Variants in CTNNA3 observed in about 807,000 individuals in gnomAD.
CTNNA3 encodes the protein catenin alpha 3.
In CTNNA3, 76 loss-of-function variants were observed where a neutral mutation model predicts 95.7. The ratio of observed to expected loss-of-function variants is 0.79; its 90% CI spans 0.66 to 0.96. The LOEUF (loss-of-function observed/expected upper bound fraction) is 0.96, where lower values mean the gene tolerates loss of function less well. Ranked by LOEUF, CTNNA3 falls within the 40% of genes least tolerant of loss-of-function variation. The pLI, the probability that CTNNA3 is intolerant of heterozygous loss-of-function variation, is 0.00. For synonymous variants in CTNNA3, 431 were observed against 374.4 expected, an observed-to-expected ratio of 1.15 and a Z score of -1.74; for missense variants, 1,191 against 1,089.8, an observed-to-expected ratio of 1.09 and a Z score of -1.31.
At chr10:67,042,223 G>T (rs1271820947) in intron 7 of CTNNA3, among the ~76,000 whole-genome samples, 9 of 152,220 alleles carry the variant, frequency 5.9e-5, no homozygotes, top group African/African-American at 2.2e-4. Flanking sequence ...TTTCAATAGT[G>T]CAGGGGATGA....
intron 3 of CTNNA3, among the ~76,000 whole-genome samples, chr10:67,580,218 G>A (rs1487080392): frequency 1.3e-5 from 2 of 152,082 alleles, no homozygotes; most frequent in African/African-American, 2.4e-5. Context: ...ATCCATTCTT[G>A]AATTAATTTT....
chr10:67,117,403 G>A (rs901824717), intron 7 of CTNNA3, among the ~76,000 whole-genome samples: 1 of 151,980 alleles, frequency 6.6e-6, no homozygotes, highest in African/African-American at 2.4e-5. Flanking sequence ...CCAGTTTGAT[G>A]GAGGTACCAG....
intron 7 of CTNNA3, among the ~76,000 whole-genome samples, chr10:66,951,114 C>T (rs1848516971): frequency 7.2e-6 from 1 of 139,786 alleles, no homozygotes; most frequent in Non-Finnish European, 1.6e-5. Context: ...CACACACACA[C>T]ACACTGTCTT....
intron 9 of CTNNA3, among the ~76,000 whole-genome samples, chr10:66,650,611 A>C (rs10762084): frequency 1.3e-5 from 2 of 151,914 alleles, no homozygotes; most frequent in African/African-American, 4.8e-5. Context: ...TCCGGAGTTC[A>C]TTCCTTCAGA....
chr10:66,115,265 T>C (rs1163312198), intron 13 of CTNNA3, among the ~76,000 whole-genome samples: 2 of 152,162 alleles, frequency 1.3e-5, no homozygotes, highest in African/African-American at 4.8e-5. Context: ...TGTATGTCTT[T>C]ATTATCAGAG....
chr10:66,007,052 T>A (rs538676062), intron 15 of CTNNA3, among the ~76,000 whole-genome samples: 3 of 152,106 alleles, frequency 2.0e-5, no homozygotes, highest in Non-Finnish European at 4.4e-5. Context: ...CTAGTACAGC[T>A]ATAGGTCATT....
intron 12 of CTNNA3, among the ~76,000 whole-genome samples, chr10:66,294,592 T>C (rs1226185773): frequency 6.6e-6 from 1 of 151,620 alleles, no homozygotes; most frequent in Non-Finnish European, 1.5e-5. Flanking sequence ...AAGAAAAGAG[T>C]TCATAAAGAT....
At chr10:67,176,488 C>T (rs1862249125) in intron 7 of CTNNA3, among the ~76,000 whole-genome samples, 1 of 152,160 alleles carries the variant, frequency 6.6e-6, no homozygotes, top group Non-Finnish European at 1.5e-5. Flanking sequence ...ATGAGGGATG[C>T]TGTCTATAAT....
chr10:67,424,141 G>C (rs1195970407), intron 5 of CTNNA3, among the ~76,000 whole-genome samples: 1 of 152,104 alleles, frequency 6.6e-6, no homozygotes, highest in Non-Finnish European at 1.5e-5. Context: ...TTATCTGTAG[G>C]TGTGCGACTG....
At chr10:67,226,211 G>GAAAA (rs1864906378) in intron 5 of CTNNA3, among the ~76,000 whole-genome samples, 1 of 152,168 alleles carries the variant, frequency 6.6e-6, no homozygotes, top group African/African-American at 2.4e-5. Flanking sequence ...AAGCCTCCAA[G>GAAAA]AAGTCTAGGA....
At chr10:67,622,761 T>G (rs2133415311) in intron 2 of CTNNA3, among the ~76,000 whole-genome samples, 1 of 152,324 alleles carries the variant, frequency 6.6e-6, no homozygotes, top group South Asian at 2.1e-4. Context: ...ATGGGAGCAG[T>G]TTTCTGGCAG....
chr10:67,735,672 T>C (rs1841298886), intron 1 of CTNNA3, among the ~76,000 whole-genome samples: 1 of 152,152 alleles, frequency 6.6e-6, no homozygotes, highest in Non-Finnish European at 1.5e-5. Flanking sequence ...CTAGGATATG[T>C]AGAAATCGAA....
At chr10:66,382,452 C>T (rs1047959551) in intron 11 of CTNNA3, among the ~76,000 whole-genome samples, 10 of 152,082 alleles carry the variant, frequency 6.6e-5, no homozygotes, top group African/African-American at 1.9e-4. Flanking sequence ...TGGAGCCCAC[C>T]GAGCTCAACA....
intron 11 of CTNNA3, among the ~76,000 whole-genome samples, chr10:66,401,563 C>A (rs1358822743): frequency 8.3e-6 from 1 of 119,812 alleles, no homozygotes; most frequent in Admixed American, 8.4e-5. Flanking sequence ...ACACACACAG[C>A]ATAGTAGCTG....
At chr10:67,549,149 T>C (rs1187766226) in intron 3 of CTNNA3, among the ~76,000 whole-genome samples, 4 of 152,048 alleles carry the variant, frequency 2.6e-5, no homozygotes, top group Non-Finnish European at 5.9e-5. Context: ...GCTAAAAACA[T>C]ACCTGCAGAG....
At position 67,120,676 on chromosome 10, in the gene CTNNA3, A is replaced by G. The variant is rs1161332278; in HGVS notation, c.1047+59641T>C. Among the ~76,000 whole-genome samples, 3 of 152,154 alleles carry G rather than the reference A, an allele frequency of 2.0e-5. No homozygotes were observed. In the South Asian group the frequency reaches 6.2e-4, roughly 32 times the overall value. ...GAGTTACAAAAGAGAAAAGCCAACAAAAACATCTCACCTACTGTATATATC... is the reference window on the plus strand; with the variant it reads ...GAGTTACAAAAGAGAAAAGCCAACAGAAACATCTCACCTACTGTATATATC... On this transcript the variant is annotated intron_variant, in intron 7 of 17. Transcript: ENST00000433211.
At chr10:67,133,366 C>CATACATATATATATATATAT (rs145480361) in intron 7 of CTNNA3, among the ~76,000 whole-genome samples, 1 of 124,564 alleles carries the variant, frequency 8.0e-6, no homozygotes, top group African/African-American at 3.1e-5. Context: ...TACATACATA[C>CATACATATATATATATATAT]ATATATATAT....
At chr10:66,897,825 TTC>T (rs1845562966) in intron 7 of CTNNA3, among the ~76,000 whole-genome samples, 1 of 152,146 alleles carries the variant, frequency 6.6e-6, no homozygotes, top group African/African-American at 2.4e-5. Flanking sequence ...TGCAAAATAT[TTC>T]TCTTTCAAAA....
chr10:67,747,046 G>A (rs1387640516), intron 1 of CTNNA3, among the ~76,000 whole-genome samples: 2 of 152,156 alleles, frequency 1.3e-5, no homozygotes, highest in African/African-American at 2.4e-5. Flanking sequence ...GCCAGACCCT[G>A]ACACATCCCT....
Sources: gnomAD v4.1 joint callset for allele counts (sites outside exome capture counted in the v4.1 genomes callset) on GRCh38, gnomAD v4.1.1 for gene constraint, MANE v1.5 for transcripts, NCBI Gene and HGNC (gene_info 2026-07-23, HGNC 2026-07-21) for gene names.